The following PRH1 variants were observed in gnomAD, a reference collection of about 807,000 sequenced individuals.
PRH1 encodes salivary acidic proline-rich phosphoprotein 1/2.
A neutral mutation model predicts 7.9 loss-of-function variants in PRH1; 7 were observed. The observed-to-expected ratio is 0.89, with a 90% CI of 0.50 to 1.67. PRH1 has a LOEUF of 1.67. PRH1 is among the 40% of genes most tolerant of loss of function. The probability of loss-of-function intolerance (pLI) is 0.00; values close to 1 mark genes in which losing one functional copy is unlikely to be tolerated. For synonymous variants in PRH1, 45 were observed against 80.8 expected, an observed-to-expected ratio of 0.56 and a Z score of 2.38; for missense variants, 109 against 223.6, an observed-to-expected ratio of 0.49 and a Z score of 3.27.
At chr12:11,024,025 TA>T (rs1941788780) in intron 1 of PRH1, among the ~76,000 whole-genome samples, 2 of 152,192 alleles carry the variant, frequency 1.3e-5, no homozygotes, top group Admixed American at 1.3e-4. Flanking sequence ...AGTGGGTAAT[TA>T]AACCTAAAAG....
intron 1 of PRH1, among the ~76,000 whole-genome samples, chr12:11,005,216 T>C (rs1266606133): frequency 1.3e-5 from 2 of 152,172 alleles, no homozygotes; most frequent in Admixed American, 6.5e-5. Flanking sequence ...TCAAACACTA[T>C]GTCCTGGCTA....
intron 2 of PRH1, among the ~76,000 whole-genome samples, chr12:10,923,805 T>G (rs1950085158): frequency 6.6e-6 from 1 of 152,192 alleles, no homozygotes; most frequent in African/African-American, 2.4e-5. Flanking sequence ...AGTCGTGTTT[T>G]GTTTTCTTAT....
intron 2 of PRH1, among the ~76,000 whole-genome samples, chr12:10,967,509 C>A (rs141380214): frequency 6.6e-6 from 1 of 152,334 alleles, no homozygotes; most frequent in African/African-American, 2.4e-5. Context: ...TTCTTCACAT[C>A]TGGTAACAAT....
At chr12:11,133,510 C>T (rs761837405) in intron 1 of PRH1, 2 of 1,596,572 alleles carry the variant, frequency 1.3e-6, no homozygotes, top group Admixed American at 3.4e-5. Context: ...CTGATATGAT[C>T]ATGGACAGAA....
intron 2 of PRH1, chr12:10,897,022 A>G (rs1419852834): frequency 6.6e-6 from 1 of 152,162 alleles, no homozygotes; most frequent in Non-Finnish European, 1.5e-5. Flanking sequence ...CTCTGAGGTC[A>G]CAATGTCCAA....
chr12:11,081,597 G>A (rs1944503246), intron 1 of PRH1, among the ~76,000 whole-genome samples: 1 of 116,480 alleles, frequency 8.6e-6, no homozygotes, highest in African/African-American at 2.9e-5. Context: ...ATATTAGCTT[G>A]TCTGTTGCTG....
intron 1 of PRH1, among the ~76,000 whole-genome samples, chr12:11,167,676 G>A (rs916543143): frequency 6.6e-6 from 1 of 152,054 alleles, no homozygotes; most frequent in East Asian, 1.9e-4. Context: ...CAGATCTCCT[G>A]ACCTCGGGAT....
upstream of PRH1, among the ~76,000 whole-genome samples, chr12:11,051,604 C>A (rs1310463977): frequency 7.3e-6 from 1 of 136,836 alleles, no homozygotes; most frequent in African/African-American, 2.6e-5. Flanking sequence ...TTTCTTCACA[C>A]CTCCTGTAAT....
At chr12:10,996,226 G>C (rs1940225543) in intron 1 of PRH1, among the ~76,000 whole-genome samples, 1 of 151,902 alleles carries the variant, frequency 6.6e-6, no homozygotes, top group African/African-American at 2.4e-5. Flanking sequence ...CCACTCAGGA[G>C]GCTGACGCAT....
intron 2 of PRH1, among the ~76,000 whole-genome samples, chr12:10,948,489 T>G (rs1176690394): frequency 6.6e-6 from 1 of 152,200 alleles, no homozygotes; most frequent in Non-Finnish European, 1.5e-5. Flanking sequence ...CCCATTAAAT[T>G]CTTTCTAATA....
chr12:11,021,786 C>T (rs781770704), intron 1 of PRH1: 1 of 1,614,234 alleles, frequency 6.2e-7, no homozygotes, highest in South Asian at 1.1e-5. Flanking sequence ...TTTGGCAAAG[C>T]AGGAGTACAA....
At chr12:10,914,166 T>C (rs1949940452) in intron 2 of PRH1, among the ~76,000 whole-genome samples, 1 of 152,156 alleles carries the variant, frequency 6.6e-6, no homozygotes, top group South Asian at 2.1e-4. Context: ...ATGTGGGAGG[T>C]AAATCACATA....
At chr12:10,909,070 C>A in intron 2 of PRH1, 1 of 1,613,628 alleles carries the variant, frequency 6.2e-7, no homozygotes, top group Non-Finnish European at 8.5e-7. Context: ...GTTCCAGACA[C>A]AAATATGGCT....
chr12:10,956,001 T>C (rs1305165777), intron 2 of PRH1, among the ~76,000 whole-genome samples: 2 of 152,054 alleles, frequency 1.3e-5, no homozygotes, highest in Non-Finnish European at 2.9e-5. Context: ...AATTCCACCA[T>C]GTGTATAAAG....
chr12:11,027,292 T>C (rs1318450894), intron 1 of PRH1, among the ~76,000 whole-genome samples: 4 of 64,088 alleles, frequency 6.2e-5, no homozygotes, highest in Middle Eastern at 8.5e-3. Flanking sequence ...AATAATAATA[T>C]ATTACTTGGT....
chr12:11,132,337 GATTTT>G (rs1251495831), intron 1 of PRH1, among the ~76,000 whole-genome samples: 2 of 148,054 alleles, frequency 1.4e-5, no homozygotes, highest in Non-Finnish European at 3.0e-5. Context: ...CACATTGACA[GATTTT>G]TTTTTAGAAA....
chr12:11,165,029 T>C lies in PRH1; in HGVS notation n.39+6393A>G, dbSNP rs1947529582. On this transcript the variant is annotated intron_variant and non_coding_transcript_variant, in intron 1 of 1. Coordinates refer to the PRH1 transcript ENST00000541175. ...AAATGGTATCATGTTTGAACCTTTC[T>C]TTCACTTGGTAGAATGTTTAGAGTC... 2.0e-5 allele frequency among the ~76,000 whole-genome samples: 3 copies of C among 152,212 alleles called. No homozygotes were observed. The South Asian group carries it at 6.2e-4, about 32-fold the overall frequency.
intron 1 of PRH1, among the ~76,000 whole-genome samples, chr12:10,976,635 T>C (rs1249729013): frequency 2.1e-5 from 1 of 47,250 alleles, no homozygotes; most frequent in African/African-American, 5.7e-5. Context: ...GCTGAGGAGT[T>C]TTTTTTTTTT....
At chr12:11,021,623 C>A in intron 1 of PRH1, 1 of 1,497,898 alleles carries the variant, frequency 6.7e-7, no homozygotes, top group Non-Finnish European at 9.1e-7. Context: ...AGAAGACCCA[C>A]GATGCTCCCC....
Sources: allele counts gnomAD v4.1 joint callset (sites outside exome capture counted in the v4.1 genomes callset), GRCh38; gene constraint gnomAD v4.1.1; transcripts MANE v1.5; gene names NCBI Gene and HGNC (gene_info 2026-07-23, HGNC 2026-07-21).